The following GYG1 variants were observed in gnomAD, a reference collection of about 807,000 sequenced individuals.
The protein encoded by GYG1 is glycogenin-1.
A neutral mutation model predicts 41.9 loss-of-function variants in GYG1; 44 were observed. The ratio of observed to expected loss-of-function variants is 1.05; its 90% CI spans 0.83 to 1.35. The LOEUF is 1.35. Among genes scored for constraint, GYG1 ranks in the 40% most tolerant of loss-of-function variants. The pLI, the probability that GYG1 is intolerant of heterozygous loss-of-function variation, is 0.00. For synonymous variants in GYG1, 141 were observed against 158.1 expected (o/e 0.89, Z 0.81); for missense variants, 429 against 418.9 (o/e 1.02, Z -0.21).
At chr3:149,007,385 T>C (rs1331078791) in intron 4 of GYG1, among the ~76,000 whole-genome samples, 1 of 152,262 alleles carries the variant, frequency 6.6e-6, no homozygotes, top group Non-Finnish European at 1.5e-5. Flanking sequence ...CTTTAGAACT[T>C]ATAAGAGTGA....
chr3:149,016,957 T>C (rs3772572), intron 5 of GYG1, among the ~76,000 whole-genome samples: 113,156 of 152,002 alleles, frequency 0.74, 42,564 homozygotes, highest in Middle Eastern at 0.83. Flanking sequence ...ATTGCTGCCA[T>C]GATTCCCAGA....
intron 5 of GYG1, among the ~76,000 whole-genome samples, chr3:149,022,302 GAA>G (rs1488095263): frequency 6.6e-6 from 1 of 151,982 alleles, no homozygotes; most frequent in East Asian, 1.9e-4. Context: ...ATGTACAAAA[GAA>G]TACATATTTT....
intron 5 of GYG1, among the ~76,000 whole-genome samples, chr3:149,010,273 A>G (rs529124636): frequency 6.6e-6 from 1 of 151,330 alleles, no homozygotes; most frequent in South Asian, 2.1e-4. Context: ...CTCAGTGGAC[A>G]TTTGTTGTTT....
chr3:149,014,473 G>A (rs1713907244), intron 5 of GYG1, among the ~76,000 whole-genome samples: 1 of 152,122 alleles, frequency 6.6e-6, no homozygotes, highest in Non-Finnish European at 1.5e-5. Flanking sequence ...AAGGCATGAG[G>A]ATTGAGTGGA....
intron 4 of GYG1, among the ~76,000 whole-genome samples, chr3:148,999,548 A>G (rs1276060876): frequency 3.3e-5 from 5 of 152,202 alleles, no homozygotes; most frequent in African/African-American, 1.2e-4. Context: ...GGGGTTTACT[A>G]TCCACTTGAA....
At position 149,026,944 on chromosome 3, in the gene GYG1, T is replaced by C. The variant is rs572150644; in HGVS notation, c.*11T>C. On this transcript the variant is annotated 3_prime_UTR_variant, in exon 8 of 8. Coordinates refer to ENST00000345003, the MANE Select transcript of GYG1 (RefSeq NM_004130.4). ...ACTTACCTCCAGTAGAAACACTGCA[T>C]TTTTCTGTGAACACATCCACTTCAC... 45 of 1,613,454 alleles carry C rather than the reference T, an allele frequency of 2.8e-5. No individual in the cohort carries two copies. The East Asian group carries it at 9.4e-4, about 34-fold the overall frequency.
At chr3:148,992,144 G>A (rs1398660110) in intron 1 of GYG1, among the ~76,000 whole-genome samples, 1 of 152,222 alleles carries the variant, frequency 6.6e-6, no homozygotes, top group African/African-American at 2.4e-5. Context: ...CGGCCGCCAC[G>A]CTGAGCCTAT....
chr3:149,017,582 G>GTTTTTTTTTTTTTTTTTTTTTTTT (rs58075146), intron 5 of GYG1, among the ~76,000 whole-genome samples: 1 of 47,330 alleles, frequency 2.1e-5, no homozygotes, highest in African/African-American at 5.5e-5. Flanking sequence ...TTTTATTTAG[G>GTTTTTTTTTTTTTTTTTTTTTTTT]TTTTTTTTTT....
At chr3:148,996,948 A>G in intron 4 of GYG1, 44 bp downstream of exon 4, 1 of 1,405,692 alleles carries the variant, frequency 7.1e-7, no homozygotes, top group Non-Finnish European at 1.0e-6. Flanking sequence ...GTTAATAGTA[A>G]TTTCTAGGGG....
At chr3:148,997,870 G>A (rs575777745) in intron 4 of GYG1, among the ~76,000 whole-genome samples, 12 of 152,336 alleles carry the variant, frequency 7.9e-5, no homozygotes, top group African/African-American at 1.7e-4. Flanking sequence ...GAGACACAGC[G>A]GGGACTTCTT....
At position 149,022,416 on chromosome 3, in the gene GYG1, C is replaced by T. The variant is rs192002757; in HGVS notation, c.609-1637C>T. The stretch of plus-strand genomic sequence containing the variant: ...CCTTCCCAATCATAGCTTCGCCTTT[C>T]CCCCAGAGGTAACCAGCATCATGAA... On this transcript the variant is annotated intron_variant, in intron 5 of 7. Transcript: ENST00000345003. 1.2e-3 allele frequency among the ~76,000 whole-genome samples: 185 copies of T among 151,876 alleles called. 2 individuals are homozygous for T. The highest frequency in any genetic ancestry group is 4.2e-3 in the African/African-American group (176 of 41,440).
chr3:149,028,375 ACTAG>A lies in GYG1; in HGVS notation c.*1446_*1449del, dbSNP rs771358483. Among the ~76,000 whole-genome samples the A allele has an allele frequency of 1.4e-4, 21 of 152,352 alleles. No homozygotes were observed. Among genetic ancestry groups the A allele is most frequent in the Non-Finnish European group, 2.5e-4 (17 of 68,036 alleles). On this transcript the variant is annotated 3_prime_UTR_variant, in exon 8 of 8. Transcript: ENST00000345003. ...TATTAAATGATAAATGACTTCTGAA[ACTAG>A]CTATTTGGACTGGTGAAGAATGAGT...
intron 1 of GYG1, among the ~76,000 whole-genome samples, chr3:148,993,510 A>G (rs1712607844): frequency 6.6e-6 from 1 of 152,070 alleles, no homozygotes; most frequent in Admixed American, 6.6e-5. Context: ...TTTTTCAGGG[A>G]TATTGGGGCA....
At chr3:149,011,755 T>C (rs1225371723) in intron 5 of GYG1, among the ~76,000 whole-genome samples, 9 of 152,204 alleles carry the variant, frequency 5.9e-5, no homozygotes, top group African/African-American at 2.2e-4. Flanking sequence ...GATGGTTTTC[T>C]TCTTCCTGGC....
At position 149,024,060 on chromosome 3, in the gene GYG1, G is replaced by C; in HGVS notation, c.616G>C (p.Ala206Pro). Reference sequence around the variant, plus strand: ...CTTGCGTTCACTTGGCAGGTTTGGTGCAAGTGCCAAAGTTGTGCATTTCCT... The same window carrying C: ...CTTGCGTTCACTTGGCAGGTTTGGTCCAAGTGCCAAAGTTGTGCATTTCCT... ...SYLPAFKVFG[A>P]SAKVVHFLGR... Residue 206 changes from alanine (A) to proline (P), a missense_variant, in exon 6 of 8, where the codon GCA (alanine) becomes CCA (proline). Coordinates refer to ENST00000345003, the MANE Select transcript of GYG1 (RefSeq NM_004130.4). 6.2e-7 allele frequency: 1 copy of C among 1,613,368 alleles called. No homozygotes were observed. Among genetic ancestry groups the C allele is most frequent in the Non-Finnish European group, 8.5e-7 (1 of 1,179,262 alleles).
chr3:149,022,265 G>T (rs1714411550), intron 5 of GYG1, among the ~76,000 whole-genome samples: 1 of 152,044 alleles, frequency 6.6e-6, no homozygotes, highest in Admixed American at 6.6e-5. Flanking sequence ...CTTTTTTAAA[G>T]ATATTCTTTA....
chr3:149,021,423 C>T (rs1281467528), intron 5 of GYG1, among the ~76,000 whole-genome samples: 1 of 152,136 alleles, frequency 6.6e-6, no homozygotes, highest in East Asian at 1.9e-4. Context: ...TATCAAATAT[C>T]CTCTTCATTT....
chr3:149,005,842 A>G (rs1414831412), intron 4 of GYG1, among the ~76,000 whole-genome samples: 2 of 152,174 alleles, frequency 1.3e-5, no homozygotes, highest in African/African-American at 2.4e-5. Flanking sequence ...GTTTTCCCCT[A>G]ATGGTAGTAC....
At chr3:149,024,921 A>C (rs1714571451) in intron 6 of GYG1, among the ~76,000 whole-genome samples, 1 of 152,252 alleles carries the variant, frequency 6.6e-6, no homozygotes, top group South Asian at 2.1e-4. Flanking sequence ...TTACATATTC[A>C]GATATAAATA....
Sources: allele counts gnomAD v4.1 joint callset (sites outside exome capture counted in the v4.1 genomes callset), GRCh38; gene constraint gnomAD v4.1.1; transcripts MANE v1.5; gene names NCBI Gene and HGNC (gene_info 2026-07-23, HGNC 2026-07-21).